SIGLEC1: variants seen among roughly 807,000 people sequenced by gnomAD.
SIGLEC1 encodes sialoadhesin.
A neutral mutation model predicts 148.0 loss-of-function variants in SIGLEC1; 132 were observed. That is an observed-to-expected ratio of 0.89 (90% CI 0.77 to 1.03). SIGLEC1 has a LOEUF of 1.03. SIGLEC1 is among the 50% of genes least tolerant of loss of function. The pLI, the probability that SIGLEC1 is intolerant of heterozygous loss-of-function variation, is 0.00. For synonymous variants in SIGLEC1, 945 were observed against 969.0 expected (o/e 0.98, Z 0.46); for missense variants, 2,253 against 2,271.4 (o/e 0.99, Z 0.16).
At chr20:3,708,088 TA>T (rs2087908459) in intron 1 of SIGLEC1, among the ~76,000 whole-genome samples, 1 of 152,120 alleles carries the variant, frequency 6.6e-6, no homozygotes, top group African/African-American at 2.4e-5. Context: ...CCTTAGTGAC[TA>T]AGAGAGGGGT....
intron 1 of SIGLEC1, among the ~76,000 whole-genome samples, chr20:3,711,195 C>G (rs564257686): frequency 2.0e-5 from 3 of 152,322 alleles, no homozygotes; most frequent in African/African-American, 7.2e-5. Flanking sequence ...AATCATTGTT[C>G]CCCAGACAGG....
chr20:3,706,774 C>T (rs916992904), intron 2 of SIGLEC1, 68 bp from the exon 3 acceptor site: 11 of 1,457,730 alleles, frequency 7.5e-6, no homozygotes, highest in South Asian at 4.2e-5. Flanking sequence ...CAGAGCCCTG[C>T]GACCTGCCCC....
chr20:3,692,110 C>T lies in SIGLEC1; in HGVS notation c.4123G>A (p.Ala1375Thr). Reference protein sequence around the residue: ...IQCTVDSEPPAELALSHDGKV... With the variant: ...IQCTVDSEPPTELALSHDGKV... The stretch of plus-strand genomic sequence containing the variant: ...CCATCATGAGATAGGGCCAGCTCAG[C>T]AGGTGGCTCACTGTCCACAGTGCAC... Residue 1375 changes from alanine (A) to threonine (T), a missense_variant, in exon 17 of 22, where the codon GCT (alanine) becomes ACT (threonine). Coordinates refer to ENST00000344754, the MANE Select transcript of SIGLEC1 (RefSeq NM_023068.4). 6.2e-7 allele frequency: 1 copy of T among 1,607,360 alleles called. No individual in the cohort carries two copies. Among genetic ancestry groups the T allele is most frequent in the South Asian group, 1.1e-5 (1 of 90,786 alleles).
chr20:3,697,039 C>T, intron 10 of SIGLEC1, 46 bp downstream of exon 10: 1 of 1,592,426 alleles, frequency 6.3e-7, no homozygotes, highest in Non-Finnish European at 8.5e-7. Context: ...CCCCAGACCA[C>T]CCCTCCACCC....
Position 3,698,131 on chromosome 20 carries a change from G to C in SIGLEC1, c.1789C>G (p.Pro597Ala), listed in dbSNP as rs1271875846. The C allele has an allele frequency of 1.3e-6, 2 of 1,586,800 alleles. No homozygotes were observed. The highest frequency in any genetic ancestry group is 1.7e-6 in the Non-Finnish European group (2 of 1,169,804). The change falls in exon 9 of 22, where the codon CCC (proline) becomes GCC (alanine). Residue 597 changes from proline (P) to alanine (A), a missense_variant and splice_region_variant. Physicochemically the swap from Pro to Ala is conservative, Grantham distance 27. Transcript: ENST00000344754. ...GTGGTGAATGTTGGTTGTCGAGGGGGGTCTGCAGGGAGGAAGAACATGGGC... is the reference window on the plus strand; with the variant it reads ...GTGGTGAATGTTGGTTGTCGAGGGGCGTCTGCAGGGAGGAAGAACATGGGC... Reference protein sequence around the residue: ...SSPAVLTVLYPPRQPTFTTRL... With the variant: ...SSPAVLTVLYAPRQPTFTTRL...
chr20:3,696,926 C>T (rs1264462924), intron 10 of SIGLEC1, 38 bp from the exon 11 acceptor site: 9 of 1,540,710 alleles, frequency 5.8e-6, no homozygotes, highest in Non-Finnish European at 7.8e-6. Flanking sequence ...CCCAGCCTAG[C>T]TCACCACATT....
intron 1 of SIGLEC1, 30 bp from the exon 2 acceptor site, chr20:3,707,267 C>T (rs2146532960): frequency 1.4e-6 from 1 of 690,068 alleles, no homozygotes; most frequent in Non-Finnish European, 2.6e-6. Flanking sequence ...TCCCCACCTC[C>T]TCTGCTGGCC....
chr20:3,689,295 C>G, intron 20 of SIGLEC1, 68 bp from the exon 21 acceptor site: 2 of 1,370,938 alleles, frequency 1.5e-6, no homozygotes, highest in South Asian at 1.2e-5. Context: ...TCCTCTCCCG[C>G]TCCCCACAGG....
At chr20:3,706,215 C>T (rs997388767) in intron 3 of SIGLEC1, 132 bp downstream of exon 3, 63 of 1,382,110 alleles carry the variant, frequency 4.6e-5, no homozygotes, top group Admixed American at 1.8e-4. Context: ...CCTGGGCCTA[C>T]GCCGGGGCTG....
At chr20:3,706,256 T>A in intron 3 of SIGLEC1, 91 bp downstream of exon 3, 1 of 1,506,960 alleles carries the variant, frequency 6.6e-7, no homozygotes, top group Non-Finnish European at 8.9e-7. Context: ...TGGGGTTAGA[T>A]TCAGGACAAG....
At position 3,691,380 on chromosome 20, in the gene SIGLEC1, A is replaced by G. The variant is rs2088759983; in HGVS notation, c.4551T>C (p.Thr1517=). 1.2e-6 allele frequency: 2 copies of G among 1,613,314 alleles called. No homozygotes were observed. The highest frequency in any genetic ancestry group is 1.7e-6 in the Non-Finnish European group (2 of 1,180,048). Residue 1517 remains threonine (T), a synonymous_variant, in exon 18 of 22, where the codon ACT becomes ACC. Coordinates refer to ENST00000344754, the MANE Select transcript of SIGLEC1 (RefSeq NM_023068.4). ...GMYHCLAELP[T]GAAASAPVML... is the part of the protein sequence containing the mutation. Reference sequence around the variant, plus strand: ...TGACTGGAGCAGAGGCAGCAGCCCCAGTGGGGAGCTCAGCCAGGCAGTGGT... The same window carrying G: ...TGACTGGAGCAGAGGCAGCAGCCCCGGTGGGGAGCTCAGCCAGGCAGTGGT...
chr20:3,706,427 G>C lies in SIGLEC1; in HGVS notation c.329C>G (p.Ser110Cys), dbSNP rs145297070. Residue 110 changes from serine (S) to cysteine (C), a missense_variant, in exon 3 of 22, where the codon TCT becomes TGT. Ser to Cys is a moderately radical substitution (Grantham distance 112, BLOSUM62 -1). Coordinates refer to ENST00000344754, the MANE Select transcript of SIGLEC1 (RefSeq NM_023068.4). ...CTCGAAGCGGAAGTTGTAGGAACCA[G>C]AGTCCTCGGGCTGCAGGTCCTTCAG... ...LLLKDLQPED[S>C]GSYNFRFEIS... The C allele has an allele frequency of 1.9e-6, 3 of 1,614,074 alleles. No individual in the cohort carries two copies. In the African/African-American group the frequency reaches 4.0e-5, roughly 22 times the overall value.
At position 3,693,634 on chromosome 20, in the gene SIGLEC1, G is replaced by T. The variant is rs2088789985; in HGVS notation, c.3321C>A (p.Cys1107Ter). ...GGGCCGGGTGAGTGGTCCACACAAG[G>T]CAGGTCAGGTTCACCAGCTGCCCCT... ...VREGQLVNLT[C>*]LVWTTHPAQL... The change falls in exon 14 of 22, where the codon TGC (cysteine) becomes TGA (stop). Residue 1107 changes from cysteine (C) to a stop codon, truncating the protein, a stop_gained. Coordinates refer to ENST00000344754, the MANE Select transcript of SIGLEC1 (RefSeq NM_023068.4). LOFTEE classifies it high-confidence loss of function. 3.1e-6 allele frequency: 5 copies of T among 1,611,948 alleles called. No homozygotes were observed. In the East Asian group the frequency reaches 1.1e-4, roughly 36 times the overall value.
chr20:3,704,115 TG>T, intron 4 of SIGLEC1, 24 bp from the exon 5 acceptor site: 1 of 1,601,164 alleles, frequency 6.2e-7, no homozygotes, highest in Non-Finnish European at 8.5e-7. Context: ...TAGGGGGTAT[TG>T]GGTAAGGTGC....
intron 8 of SIGLEC1, among the ~76,000 whole-genome samples, chr20:3,698,514 C>T (rs529586614): frequency 2.0e-4 from 30 of 152,368 alleles, no homozygotes; most frequent in Admixed American, 5.9e-4. Flanking sequence ...TGCCTTACCA[C>T]GGAGCCTCCC....
chr20:3,700,212 G>C (rs1417567498), intron 7 of SIGLEC1, among the ~76,000 whole-genome samples: 2 of 142,164 alleles, frequency 1.4e-5, no homozygotes, highest in Non-Finnish European at 1.5e-5. Context: ...CTGCCTCCCA[G>C]GTTCAAGCAA....
rs143128555 is a variant in SIGLEC1 at position 3,690,037 on chromosome 20, C to G, written c.4819G>C (p.Asp1607His). 1.2e-6 allele frequency: 2 copies of G among 1,612,814 alleles called. No homozygotes were observed. The highest frequency in any genetic ancestry group is 4.5e-5 in the East Asian group (2 of 44,856). The change falls in exon 19 of 22, where the codon GAC becomes CAC. Residue 1607 changes from aspartate (D) to histidine (H), a missense_variant. By Grantham distance (81) the Asp-to-His change is moderately conservative (BLOSUM62 -1). Coordinates refer to ENST00000344754, the MANE Select transcript of SIGLEC1 (RefSeq NM_023068.4). ...GCAGAACAGATGTATTCCCCTTGGT[C>G]GCTGGGCCTCAGCGCCTCGATGTCC... is the stretch of plus-strand genomic sequence containing the variant. ...RVDIEALRPS[D>H]QGEYICSASN...
At chr20:3,694,615 G>A in intron 12 of SIGLEC1, 48 bp downstream of exon 12, 1 of 1,580,872 alleles carries the variant, frequency 6.3e-7, no homozygotes, top group Non-Finnish European at 8.6e-7. Context: ...CCCAGGACTG[G>A]GGGACTGCAT....
At chr20:3,696,231 G>C (rs1050562430) in intron 11 of SIGLEC1, among the ~76,000 whole-genome samples, 4 of 151,524 alleles carry the variant, frequency 2.6e-5, no homozygotes, top group African/African-American at 9.7e-5. Flanking sequence ...ATGTATATTT[G>C]TATGTGTATA....
Sources: allele counts gnomAD v4.1 joint callset (sites outside exome capture counted in the v4.1 genomes callset), GRCh38; gene constraint gnomAD v4.1.1; transcripts MANE v1.5; gene names NCBI Gene and HGNC (gene_info 2026-07-23, HGNC 2026-07-21).